The following ANO3 variants were observed in gnomAD, a reference collection of about 807,000 sequenced individuals.
ANO3 encodes anoctamin 3.
ANO3 carries 99 observed loss-of-function variants against 144.8 expected under a neutral mutation model. The observed-to-expected ratio is 0.68, with a 90% CI of 0.58 to 0.81. ANO3 has a LOEUF of 0.81. ANO3 is among the 30% of genes least tolerant of loss of function. ANO3 has a pLI of 0.00. For synonymous variants in ANO3, 414 were observed against 392.6 expected (o/e 1.05, Z -0.64); for missense variants, 905 against 1,202.2 (o/e 0.75, Z 3.66).
rs117114585 is a variant in ANO3 at position 26,216,124 on chromosome 11, C to T, written c.154+26794C>T. On this transcript the variant is annotated intron_variant, in intron 1 of 27. Coordinates refer to the ANO3 transcript ENST00000672621. ...AAAGATGGAAGGCTTTGGTATAATA[C>T]GTTATTCCTTTTATCTTAGAATACT... Among the ~76,000 whole-genome samples, 254 of 151,980 alleles carry T rather than the reference C, an allele frequency of 1.7e-3. 1 individual carries two copies. The highest frequency in any genetic ancestry group is 1.8e-3 in the Non-Finnish European group (119 of 67,892).
chr11:26,629,395 T>C (rs974302407), intron 18 of ANO3, among the ~76,000 whole-genome samples: 1 of 135,948 alleles, frequency 7.4e-6, no homozygotes, highest in African/African-American at 2.5e-5. Context: ...TATTACATTA[T>C]TCCTATCTAT....
At chr11:26,220,636 T>A (rs1302497804) in intron 1 of ANO3, among the ~76,000 whole-genome samples, 1 of 152,254 alleles carries the variant, frequency 6.6e-6, no homozygotes, top group Non-Finnish European at 1.5e-5. Context: ...AGACAATATC[T>A]GCCATGGTCA....
At chr11:26,308,778 T>A (rs576597524), upstream of ANO3, among the ~76,000 whole-genome samples, 1 of 152,324 alleles carries the variant, frequency 6.6e-6, no homozygotes, top group East Asian at 1.9e-4. Flanking sequence ...GGAATTACTA[T>A]AATTATGGGC....
intron 12 of ANO3, among the ~76,000 whole-genome samples, chr11:26,548,841 C>T (rs972409022): frequency 5.3e-5 from 8 of 151,872 alleles, no homozygotes; most frequent in Middle Eastern, 6.8e-3. Context: ...GAACAAACTT[C>T]GGCCCACCGG....
At chr11:26,558,690 A>G (rs1371325682) in intron 13 of ANO3, among the ~76,000 whole-genome samples, 1 of 152,132 alleles carries the variant, frequency 6.6e-6, no homozygotes, top group Non-Finnish European at 1.5e-5. Context: ...ACATTATAGG[A>G]AAATACATTT....
chr11:26,447,572 T>C (rs1858749694), intron 3 of ANO3, among the ~76,000 whole-genome samples: 1 of 152,192 alleles, frequency 6.6e-6, no homozygotes, highest in African/African-American at 2.4e-5. Context: ...TTAGTAAGTT[T>C]CAGGCAGAAA....
intron 1 of ANO3, among the ~76,000 whole-genome samples, chr11:26,211,777 C>T (rs1851938523): frequency 6.6e-6 from 1 of 152,266 alleles, no homozygotes; most frequent in South Asian, 2.1e-4. Context: ...TTTATTGCGG[C>T]ACTATTCACA....
chr11:26,357,679 A>T (rs1855818388), intron 1 of ANO3, among the ~76,000 whole-genome samples: 1 of 152,060 alleles, frequency 6.6e-6, no homozygotes, highest in African/African-American at 2.4e-5. Flanking sequence ...TTATAGAGAA[A>T]ATGTTTCTAA....
At chr11:26,384,379 G>T (rs183837579) in intron 1 of ANO3, among the ~76,000 whole-genome samples, 1 of 152,212 alleles carries the variant, frequency 6.6e-6, no homozygotes, top group Admixed American at 6.5e-5. Flanking sequence ...ACAAAAAGCT[G>T]ACAGTACATG....
intron 1 of ANO3, among the ~76,000 whole-genome samples, chr11:26,355,546 ATTTCTTTC>A (rs367786724): frequency 2.0e-5 from 3 of 148,558 alleles, no homozygotes; most frequent in African/African-American, 7.4e-5. Flanking sequence ...GTATCCTGAA[ATTTCTTTC>A]TTTCTTTCTT....
At chr11:26,472,213 T>C (rs903155) in intron 4 of ANO3, among the ~76,000 whole-genome samples, 88,794 of 151,670 alleles carry the variant, frequency 0.59, 26,571 homozygotes, top group Middle Eastern at 0.7. Context: ...TATTTGAGCA[T>C]ACTGAAAGTC....
chr11:26,352,490 C>T (rs376555737), intron 1 of ANO3, among the ~76,000 whole-genome samples: 3 of 152,088 alleles, frequency 2.0e-5, no homozygotes, highest in African/African-American at 7.2e-5. Flanking sequence ...TCATTTACTC[C>T]CTCTCTTCCC....
intron 5 of ANO3, among the ~76,000 whole-genome samples, chr11:26,515,055 T>C (rs573100164): frequency 6.6e-6 from 1 of 152,192 alleles, no homozygotes; most frequent in Admixed American, 6.5e-5. Flanking sequence ...GCATAGATAA[T>C]ATGTGTAACC....
At chr11:26,418,114 T>C (rs1013462379) in intron 1 of ANO3, among the ~76,000 whole-genome samples, 9 of 152,106 alleles carry the variant, frequency 5.9e-5, no homozygotes, top group Admixed American at 6.6e-5. Context: ...TTTCAGCCTT[T>C]GGCACAGCAT....
At chr11:26,494,729 G>A (rs1030665370) in intron 4 of ANO3, among the ~76,000 whole-genome samples, 46 of 152,132 alleles carry the variant, frequency 3.0e-4, no homozygotes, top group Admixed American at 1.1e-3. Context: ...CTCCTAGAAC[G>A]GAAGGGATTT....
chr11:26,475,398 A>G (rs1859924854), intron 4 of ANO3, among the ~76,000 whole-genome samples: 1 of 152,034 alleles, frequency 6.6e-6, no homozygotes, highest in Non-Finnish European at 1.5e-5. Flanking sequence ...ATGATGGTAC[A>G]TTGCTCATTG....
chr11:26,448,200 G>A (rs1253427104), intron 3 of ANO3, among the ~76,000 whole-genome samples: 1 of 151,820 alleles, frequency 6.6e-6, no homozygotes, highest in African/African-American at 2.4e-5. Context: ...TAGGGAGGCT[G>A]AGGCAGGAGA....
intron 1 of ANO3, among the ~76,000 whole-genome samples, chr11:26,316,243 C>T (rs752612821): frequency 3.9e-5 from 6 of 152,204 alleles, no homozygotes; most frequent in Admixed American, 2.0e-4. Context: ...GGGGTGTCAC[C>T]GCCTTCTGGT....
chr11:26,291,337 A>C (rs1248097968), intron 1 of ANO3, among the ~76,000 whole-genome samples: 1 of 152,178 alleles, frequency 6.6e-6, no homozygotes, highest in Non-Finnish European at 1.5e-5. Context: ...AATACAGCAC[A>C]CTGATGGGTC....
Sources: gnomAD v4.1 joint callset for allele counts (sites outside exome capture counted in the v4.1 genomes callset) on GRCh38, gnomAD v4.1.1 for gene constraint, MANE v1.5 for transcripts, NCBI Gene and HGNC (gene_info 2026-07-23, HGNC 2026-07-21) for gene names.